Variants in SLC12A8 observed in about 807,000 individuals in gnomAD.
SLC12A8 encodes the protein solute carrier family 12 member 8, also known as cation-chloride cotransporter 9.
Under a neutral mutation model 75.6 loss-of-function variants are expected in SLC12A8, and 69 were observed. The ratio of observed to expected loss-of-function variants is 0.91; its 90% CI spans 0.75 to 1.11. The LOEUF is 1.11. Among genes scored for constraint, SLC12A8 ranks in the 50% most tolerant of loss-of-function variants. The probability of loss-of-function intolerance (pLI) is 0.00; values close to 1 mark genes in which losing one functional copy is unlikely to be tolerated. For synonymous variants in SLC12A8, 365 were observed against 372.8 expected (o/e 0.98, Z 0.24); for missense variants, 877 against 896.7 (o/e 0.98, Z 0.28).
chr3:125,175,124 A>G (rs567360814), intron 5 of SLC12A8, among the ~76,000 whole-genome samples: 4 of 152,158 alleles, frequency 2.6e-5, no homozygotes, highest in South Asian at 2.1e-4. Flanking sequence ...AAGTGAATTA[A>G]TTTTTTTTAA....
chr3:125,120,884 C>T (rs557066139), intron 6 of SLC12A8, 198 bp from the exon 7 acceptor site: 1 of 701,634 alleles, frequency 1.4e-6, no homozygotes, highest in East Asian at 2.7e-5. Context: ...GTGAAAGGCA[C>T]CTTTGTGGGT....
chr3:125,087,648 G>T (rs751353355), intron 13 of SLC12A8, among the ~76,000 whole-genome samples: 1 of 152,182 alleles, frequency 6.6e-6, no homozygotes, highest in Non-Finnish European at 1.5e-5. Flanking sequence ...GGGGACAGAG[G>T]GTGGGTGTAA....
At chr3:125,099,746 TG>T (rs2107736810) in intron 10 of SLC12A8, among the ~76,000 whole-genome samples, 1 of 152,052 alleles carries the variant, frequency 6.6e-6, no homozygotes, top group African/African-American at 2.4e-5. Context: ...CTGGCCAACA[TG>T]GTGAAACCCC....
chr3:125,117,502 G>C (rs1939341814), intron 8 of SLC12A8, among the ~76,000 whole-genome samples: 1 of 151,956 alleles, frequency 6.6e-6, no homozygotes, highest in African/African-American at 2.4e-5. Flanking sequence ...AGGCTGAGGT[G>C]GGAGAATCAC....
intron 9 of SLC12A8, among the ~76,000 whole-genome samples, chr3:125,109,585 T>C (rs988111029): frequency 2.0e-5 from 3 of 152,160 alleles, no homozygotes; most frequent in Non-Finnish European, 4.4e-5. Context: ...TAGTGGGAAA[T>C]GGGATTCTCT....
At chr3:125,105,933 G>A (rs1334439492) in intron 10 of SLC12A8, among the ~76,000 whole-genome samples, 2 of 152,212 alleles carry the variant, frequency 1.3e-5, no homozygotes, top group Admixed American at 6.5e-5. Context: ...GGGAGGCTGA[G>A]GCAGGAGAAC....
At chr3:125,088,116 G>T in intron 13 of SLC12A8, 194 bp downstream of exon 13, 1 of 589,744 alleles carries the variant, frequency 1.7e-6, no homozygotes, top group East Asian at 2.8e-5. Context: ...GGAAGCTTCT[G>T]ATGAGCCGAA....
At chr3:125,122,747 T>C (rs767866502) in intron 6 of SLC12A8, among the ~76,000 whole-genome samples, 19 of 152,014 alleles carry the variant, frequency 1.2e-4, no homozygotes, top group Admixed American at 2.0e-4. Flanking sequence ...GCTGGGGAAA[T>C]CCATGCCCAC....
intron 6 of SLC12A8, among the ~76,000 whole-genome samples, chr3:125,130,125 A>G (rs1933316158): frequency 6.6e-6 from 1 of 152,222 alleles, no homozygotes; most frequent in Admixed American, 6.5e-5. Flanking sequence ...CGCTATTATC[A>G]TTTTACATTT....
At position 125,187,298 on chromosome 3, in the gene SLC12A8, A is replaced by T; in HGVS notation, c.329T>A (p.Ile110Asn). The change falls in exon 4 of 14, where the codon ATC (isoleucine) becomes AAC (asparagine). Residue 110 changes from isoleucine to asparagine, a missense_variant. By Grantham distance (149) the Ile-to-Asn change is moderately radical. Coordinates refer to ENST00000469902, the MANE Select transcript of SLC12A8 (RefSeq NM_024628.6). ...CGTCTGCCCACCCAGGACCGAGGAG[A>T]TCATGGAGTAGACGCCACCGCTGCC... ...SIGSGGVYSM[I>N]SSVLGGQTGG... is the part of the protein sequence containing the mutation. 2 of 1,614,130 alleles carry T rather than the reference A, an allele frequency of 1.2e-6. No homozygotes were observed. The highest frequency in any genetic ancestry group is 8.5e-7 in the Non-Finnish European group (1 of 1,180,028).
At position 125,187,292 on chromosome 3, in the gene SLC12A8, G is replaced by T; in HGVS notation, c.335C>A (p.Ser112Ter). 6.2e-7 allele frequency: 1 copy of T among 1,614,190 alleles called. No individual in the cohort carries two copies. Among genetic ancestry groups the T allele is most frequent in the Non-Finnish European group, 8.5e-7 (1 of 1,180,036 alleles). Residue 112 changes from serine (S) to a stop codon, truncating the protein, a stop_gained, in exon 4 of 14, where the codon TCG (serine) becomes TAG (stop). Coordinates refer to ENST00000469902, the MANE Select transcript of SLC12A8 (RefSeq NM_024628.6). LOFTEE classifies it high-confidence loss of function. ...GSGGVYSMISSVLGGQTGGTI... is the reference protein window; with the variant it reads ...GSGGVYSMIS ...GCCTCCCGTCTGCCCACCCAGGACC[G>T]AGGAGATCATGGAGTAGACGCCACC...
rs576803645 is a variant in SLC12A8 at position 125,136,650 on chromosome 3, C to T, written c.623-868G>A. On this transcript the variant is annotated intron_variant, in intron 5 of 13. Transcript: ENST00000469902. ...TCTTAGATCTCTCAGCCTATGGACACATCTCGCTTCCACACTTTCAATTTG... is the reference window on the plus strand; with the variant it reads ...TCTTAGATCTCTCAGCCTATGGACATATCTCGCTTCCACACTTTCAATTTG... Among the ~76,000 whole-genome samples, 36 of 152,354 alleles carry T rather than the reference C, an allele frequency of 2.4e-4. No homozygotes were observed. The South Asian group carries it at 6.4e-3, about 27-fold the overall frequency.
At chr3:125,127,306 T>G (rs1350254698) in intron 6 of SLC12A8, among the ~76,000 whole-genome samples, 2 of 152,198 alleles carry the variant, frequency 1.3e-5, no homozygotes, top group African/African-American at 4.8e-5. Context: ...GAGATGCTGC[T>G]GGGACAGACA....
intron 10 of SLC12A8, among the ~76,000 whole-genome samples, chr3:125,098,996 C>T (rs188459832): frequency 1.3e-5 from 2 of 152,304 alleles, no homozygotes; most frequent in East Asian, 3.9e-4. Context: ...ATAACCTCCC[C>T]ACATTTCCCT....
At chr3:125,196,980 T>TAC (rs766544178) in intron 2 of SLC12A8, among the ~76,000 whole-genome samples, 1 of 152,192 alleles carries the variant, frequency 6.6e-6, no homozygotes, top group Non-Finnish European at 1.5e-5. Context: ...GCAATGAACA[T>TAC]ACCTAGCACC....
At chr3:125,208,803 G>C (rs1204173940) in intron 2 of SLC12A8, among the ~76,000 whole-genome samples, 3 of 142,850 alleles carry the variant, frequency 2.1e-5, no homozygotes, top group Non-Finnish European at 3.1e-5. Flanking sequence ...GAGAGAGAGA[G>C]AGAGAGAGAG....
chr3:125,207,440 G>A (rs574063874), intron 2 of SLC12A8, among the ~76,000 whole-genome samples: 8 of 152,330 alleles, frequency 5.3e-5, no homozygotes, highest in East Asian at 1.9e-4. Flanking sequence ...AGGCTAGCTG[G>A]AGGCACTTCT....
chr3:125,131,845 G>A (rs370814351), intron 6 of SLC12A8, among the ~76,000 whole-genome samples: 27 of 152,118 alleles, frequency 1.8e-4, no homozygotes, highest in Non-Finnish European at 2.9e-4. Context: ...GGGGCAGGGA[G>A]AGAGAGAGGC....
At chr3:125,170,018 A>AC (rs1934375039) in intron 5 of SLC12A8, among the ~76,000 whole-genome samples, 1 of 151,828 alleles carries the variant, frequency 6.6e-6, no homozygotes, top group South Asian at 2.1e-4. Flanking sequence ...TCAAAGAAAA[A>AC]AATACAAGTG....
Sources: allele counts gnomAD v4.1 joint callset (sites outside exome capture counted in the v4.1 genomes callset), GRCh38; gene constraint gnomAD v4.1.1; transcripts MANE v1.5; gene names NCBI Gene and HGNC (gene_info 2026-07-23, HGNC 2026-07-21).